The following GUCY1A2 variants were observed in gnomAD, a reference collection of about 807,000 sequenced individuals.
GUCY1A2 encodes the protein guanylate cyclase soluble subunit alpha-2.
Under a neutral mutation model 63.5 loss-of-function variants are expected in GUCY1A2, and 27 were observed. The ratio of observed to expected loss-of-function variants is 0.43; its 90% CI spans 0.31 to 0.59. The LOEUF is 0.59. Among genes scored for constraint, GUCY1A2 ranks in the 20% least tolerant of loss-of-function variants. The pLI is 0.11. For synonymous variants in GUCY1A2, 364 were observed against 343.5 expected (o/e 1.06, Z -0.66); for missense variants, 768 against 913.3 (o/e 0.84, Z 2.05).
chr11:106,810,451 G>C lies in GUCY1A2; in HGVS notation c.1234C>G (p.His412Asp), dbSNP rs1340001100. The change falls in exon 5 of 8, where the codon CAT (histidine) becomes GAT (aspartate). Residue 412 changes from histidine (H) to aspartate (D), a missense_variant. By Grantham distance (81) the His-to-Asp change is moderately conservative. Around this residue, in one of 3 missense-constraint regions of GUCY1A2, gnomAD observed 122 missense variants for 238.1 expected, o/e 0.51. Coordinates refer to ENST00000526355, the MANE Select transcript of GUCY1A2 (RefSeq NM_000855.3). ...KVMEVKGQMIHVPESNSILFL... is the reference protein window; with the variant it reads ...KVMEVKGQMIDVPESNSILFL... ...AAAATGGAATTTGATTCTGGAACAT[G>C]GATCATTTGTCCTTTGACTTCCATC... 6.2e-7 allele frequency: 1 copy of C among 1,608,508 alleles called. No individual in the cohort carries two copies. Among genetic ancestry groups the C allele is most frequent in the Non-Finnish European group, 8.5e-7 (1 of 1,176,194 alleles).
intron 6 of GUCY1A2, among the ~76,000 whole-genome samples, chr11:106,724,292 G>T (rs1863366289): frequency 6.6e-6 from 1 of 152,224 alleles, no homozygotes; most frequent in Admixed American, 6.5e-5. Flanking sequence ...GACTCAATTT[G>T]TCAGACCCTT....
At chr11:106,845,321 G>A (rs1209110047) in intron 4 of GUCY1A2, among the ~76,000 whole-genome samples, 1 of 151,460 alleles carries the variant, frequency 6.6e-6, no homozygotes, top group Non-Finnish European at 1.5e-5. Flanking sequence ...AATAGAGTAG[G>A]AAATTTGAAG....
chr11:106,766,852 G>A (rs10789545), intron 6 of GUCY1A2, among the ~76,000 whole-genome samples: 55,229 of 151,864 alleles, frequency 0.36, 10,382 homozygotes, highest in Admixed American at 0.43. Context: ...ACCTAAGAAA[G>A]GGACCATATG....
chr11:106,784,251 C>T (rs1864517252), intron 5 of GUCY1A2, among the ~76,000 whole-genome samples: 2 of 152,144 alleles, frequency 1.3e-5, no homozygotes, highest in Non-Finnish European at 2.9e-5. Flanking sequence ...AACATACCAG[C>T]TATTGCCTGA....
At chr11:106,870,767 C>T (rs1859665711) in intron 4 of GUCY1A2, among the ~76,000 whole-genome samples, 2 of 152,132 alleles carry the variant, frequency 1.3e-5, no homozygotes, top group African/African-American at 4.8e-5. Flanking sequence ...CTTCTTCTCT[C>T]CCATCTCCAT....
At chr11:106,746,676 C>T in intron 6 of GUCY1A2, 1 of 1,246,844 alleles carries the variant, frequency 8.0e-7, no homozygotes, top group Non-Finnish European at 1.1e-6. Flanking sequence ...CCAAGTGAAT[C>T]AAGGGACAAA....
intron 4 of GUCY1A2, among the ~76,000 whole-genome samples, chr11:106,909,156 CACT>C (rs1337518021): frequency 1.3e-5 from 2 of 151,740 alleles, no homozygotes; most frequent in Admixed American, 6.6e-5. Context: ...AAATTTTGTG[CACT>C]ACATTTTAAT....
chr11:106,957,855 CTTTTTTTTTTTTTTTTT>C (rs59519013), intron 3 of GUCY1A2, among the ~76,000 whole-genome samples: 24,847 of 87,396 alleles, frequency 0.28, 2,942 homozygotes, highest in Middle Eastern at 0.49. Flanking sequence ...AAGGGACAAA[CTTTTTTTTTTTTTTTTT>C]TTTTTTTTTT....
Position 106,965,401 on chromosome 11 carries a change from A to C in GUCY1A2, c.487+13218T>G. ...ATATATAATTTATACATGTGTATAC[A>C]TACATATGTATACATGTATGTGTAT... On this transcript the variant is annotated intron_variant, in intron 3 of 7. Transcript: ENST00000526355. Among the ~76,000 whole-genome samples, 9 of 152,340 alleles carry C rather than the reference A, an allele frequency of 5.9e-5. No homozygotes were observed. The South Asian group carries it at 1.9e-3, about 32-fold the overall frequency.
At chr11:106,782,822 G>A (rs1864489201) in intron 5 of GUCY1A2, among the ~76,000 whole-genome samples, 1 of 152,184 alleles carries the variant, frequency 6.6e-6, no homozygotes, top group South Asian at 2.1e-4. Context: ...TAACAGAAGA[G>A]CAGGAAAAAC....
chr11:106,964,245 T>C (rs1861098226), intron 3 of GUCY1A2, among the ~76,000 whole-genome samples: 1 of 152,246 alleles, frequency 6.6e-6, no homozygotes, highest in African/African-American at 2.4e-5. Flanking sequence ...TAGTCCGAGA[T>C]CCAGTACAGG....
At position 106,844,754 on chromosome 11, in the gene GUCY1A2, C is replaced by A. The variant is rs977618567; in HGVS notation, c.1207-34276G>T. On this transcript the variant is annotated intron_variant, in intron 4 of 7. Coordinates refer to ENST00000526355, the MANE Select transcript of GUCY1A2 (RefSeq NM_000855.3). The stretch of plus-strand genomic sequence containing the variant: ...AATCCTGTTTTGTTTAATATCTTGC[C>A]ATGGATGGGCCTGTCTAACAGAATC... 4.0e-5 allele frequency among the ~76,000 whole-genome samples: 6 copies of A among 151,566 alleles called. 1 individual carries two copies. The Admixed American group carries it at 4.0e-4, about 10-fold the overall frequency.
chr11:106,981,598 T>C (rs1027930039), intron 2 of GUCY1A2, among the ~76,000 whole-genome samples: 8 of 152,112 alleles, frequency 5.3e-5, no homozygotes, highest in African/African-American at 1.9e-4. Context: ...ACATCTCTCA[T>C]AGTAGTTCAC....
chr11:106,824,510 G>A (rs1858941584), intron 4 of GUCY1A2, among the ~76,000 whole-genome samples: 1 of 151,906 alleles, frequency 6.6e-6, no homozygotes, highest in African/African-American at 2.4e-5. Flanking sequence ...TGTTCCAGTG[G>A]TTAGAAACCA....
intron 6 of GUCY1A2, among the ~76,000 whole-genome samples, chr11:106,771,990 AGT>A (rs1864265855): frequency 6.6e-6 from 1 of 152,190 alleles, no homozygotes; most frequent in East Asian, 1.9e-4. Context: ...ATAGTCCAGA[AGT>A]AGCCTCTGAG....
At chr11:106,740,898 C>T (rs1056992022) in intron 6 of GUCY1A2, among the ~76,000 whole-genome samples, 1 of 152,136 alleles carries the variant, frequency 6.6e-6, no homozygotes, top group African/African-American at 2.4e-5. Context: ...GTCTCGTACT[C>T]CCAACCTCAG....
At chr11:107,004,595 G>A (rs1270290082) in intron 1 of GUCY1A2, among the ~76,000 whole-genome samples, 2 of 152,040 alleles carry the variant, frequency 1.3e-5, no homozygotes, top group African/African-American at 2.4e-5. Context: ...CGCTGACAAG[G>A]TTCCTCCTTT....
intron 6 of GUCY1A2, among the ~76,000 whole-genome samples, chr11:106,716,788 AAAAAAAGAT>A: frequency 6.8e-6 from 1 of 148,040 alleles, no homozygotes; most frequent in Non-Finnish European, 1.5e-5. Context: ...AAAAAAAAAA[AAAAAAAGAT>A]AAGAGTAAAT....
intron 1 of GUCY1A2, among the ~76,000 whole-genome samples, chr11:107,010,430 T>C (rs937588586): frequency 6.6e-6 from 1 of 152,182 alleles, no homozygotes; most frequent in Non-Finnish European, 1.5e-5. Flanking sequence ...AGTCATTACA[T>C]TTACCTAACT....
Sources: gnomAD v4.1 joint callset for allele counts (sites outside exome capture counted in the v4.1 genomes callset) on GRCh38, gnomAD v4.1.1 for gene constraint, gnomAD v4.1.1 regional missense constraint, MANE v1.5 for transcripts, NCBI Gene and HGNC (gene_info 2026-07-23, HGNC 2026-07-21) for gene names.